The following COL25A1 variants were observed in gnomAD, a reference collection of about 807,000 sequenced individuals.
COL25A1 encodes collagen type XXV alpha 1 chain, also known as collagen alpha-1(XXV) chain.
Under a neutral mutation model 128.4 loss-of-function variants are expected in COL25A1, and 103 were observed. That is an observed-to-expected ratio of 0.80 (90% CI 0.68 to 0.94). The LOEUF (loss-of-function observed/expected upper bound fraction) is 0.94. Among genes scored for constraint, COL25A1 ranks in the 40% least tolerant of loss-of-function variants. The probability of loss-of-function intolerance (pLI) is 0.00; values close to 1 mark genes in which losing one functional copy is unlikely to be tolerated. For missense variants in COL25A1, 745 were observed against 840.0 expected, an observed-to-expected ratio of 0.89 and a Z score of 1.40; for synonymous variants, 279 against 277.2, an observed-to-expected ratio of 1.01 and a Z score of -0.06.
intron 3 of COL25A1, among the ~76,000 whole-genome samples, chr4:109,266,408 G>A (rs1395670814): frequency 2.6e-5 from 4 of 152,236 alleles, no homozygotes; most frequent in South Asian, 2.1e-4. Context: ...ACAATGGAGC[G>A]ATTTGAAGAA....
At chr4:109,016,272 C>T (rs1300458977) in intron 5 of COL25A1, among the ~76,000 whole-genome samples, 2 of 152,200 alleles carry the variant, frequency 1.3e-5, no homozygotes, top group African/African-American at 4.8e-5. Flanking sequence ...ATACAGCAGC[C>T]CCCCGCTGCC....
chr4:109,199,151 T>C (rs1776353631), intron 3 of COL25A1, among the ~76,000 whole-genome samples: 1 of 152,190 alleles, frequency 6.6e-6, no homozygotes, highest in South Asian at 2.1e-4. Context: ...AAAGGATCTT[T>C]AGTCAACTCA....
intron 3 of COL25A1, among the ~76,000 whole-genome samples, chr4:109,064,552 C>T (rs1391079767): frequency 6.6e-6 from 1 of 152,092 alleles, no homozygotes; most frequent in Non-Finnish European, 1.5e-5. Context: ...TATTTTCACT[C>T]AAATACAGTG....
intron 4 of COL25A1, 101 bp downstream of exon 4, chr4:109,050,034 T>G: frequency 1.1e-6 from 1 of 921,992 alleles, no homozygotes; most frequent in Non-Finnish European, 1.7e-6. Flanking sequence ...AACACACACA[T>G]ATAACCTCCA....
At chr4:109,167,181 G>A (rs535299715) in intron 3 of COL25A1, among the ~76,000 whole-genome samples, 1 of 152,188 alleles carries the variant, frequency 6.6e-6, no homozygotes, top group African/African-American at 2.4e-5. Flanking sequence ...TCTTAAGTAG[G>A]TTTAAATAAT....
At chr4:109,039,542 C>A (rs1292415988) in intron 5 of COL25A1, among the ~76,000 whole-genome samples, 2 of 152,170 alleles carry the variant, frequency 1.3e-5, no homozygotes, top group Non-Finnish European at 2.9e-5. Flanking sequence ...TCCTGATCCC[C>A]TCCACATCTA....
At chr4:108,852,876 C>G in intron 25 of COL25A1, 26 bp downstream of exon 25, 1 of 1,602,522 alleles carries the variant, frequency 6.2e-7, no homozygotes, top group Non-Finnish European at 8.5e-7. Context: ...AACCACAAAC[C>G]ACAGAAAGCA....
chr4:109,266,940 A>C (rs1781837281), intron 3 of COL25A1, among the ~76,000 whole-genome samples: 1 of 152,204 alleles, frequency 6.6e-6, no homozygotes, highest in Admixed American at 6.5e-5. Context: ...ATCATCCTAA[A>C]TCTGCCTGCT....
In COL25A1 at chr4:108,844,524, G is replaced by A. The variant is rs866855368; in HGVS notation, c.1624C>T (p.Pro542Ser). Residue 542 changes from proline to serine, a missense_variant, in exon 30 of 38, where the codon CCC becomes TCC. Pro to Ser is a moderately conservative substitution (Grantham distance 74). Coordinates refer to ENST00000399132, the MANE Select transcript of COL25A1 (RefSeq NM_198721.4). ...GPPGPHGPPG[P>S]MGPHGLPGPK... ...CAGAAAGAAGGGAAACTTACCATGG[G>A]GCCAGGTGGGCCATGGGGACCTGGT... 6.2e-7 allele frequency: 1 copy of A among 1,613,900 alleles called. No homozygotes were observed. The highest frequency in any genetic ancestry group is 8.5e-7 in the Non-Finnish European group (1 of 1,179,922).
chr4:108,939,270 C>T (rs1051523962), intron 10 of COL25A1, among the ~76,000 whole-genome samples: 1 of 152,162 alleles, frequency 6.6e-6, no homozygotes, highest in African/African-American at 2.4e-5. Context: ...TTTGGAATAT[C>T]ATCATGAGAA....
At chr4:108,845,366 T>C in intron 28 of COL25A1, 115 bp from the exon 29 acceptor site, 1 of 776,592 alleles carries the variant, frequency 1.3e-6, no homozygotes, top group South Asian at 1.6e-5. Flanking sequence ...ATTATGCACT[T>C]GCTACATAAA....
At chr4:108,922,491 A>G (rs1185519435) in intron 11 of COL25A1, among the ~76,000 whole-genome samples, 1 of 152,156 alleles carries the variant, frequency 6.6e-6, no homozygotes, top group Non-Finnish European at 1.5e-5. Context: ...AAAATTGTCT[A>G]TTTCATCACA....
At chr4:109,054,595 G>C (rs1579218331) in intron 3 of COL25A1, among the ~76,000 whole-genome samples, 1 of 152,160 alleles carries the variant, frequency 6.6e-6, no homozygotes, top group East Asian at 1.9e-4. Flanking sequence ...CTGAAACTTA[G>C]AAGTTTCATC....
chr4:109,171,018 T>G (rs1214326131), intron 3 of COL25A1, among the ~76,000 whole-genome samples: 2 of 152,100 alleles, frequency 1.3e-5, no homozygotes, highest in East Asian at 3.9e-4. Context: ...CACTTCTATA[T>G]CCCTGGTCCC....
At chr4:109,008,744 TACATGCGCGCGCAC>T (rs112890116) in intron 6 of COL25A1, among the ~76,000 whole-genome samples, 76,824 of 151,266 alleles carry the variant, frequency 0.51, 22,136 homozygotes, top group African/African-American at 0.77. Flanking sequence ...TTTATACACA[TACATGCGCGCGCAC>T]ACACACACAC....
At chr4:109,259,458 G>A (rs1183292582) in intron 3 of COL25A1, among the ~76,000 whole-genome samples, 1 of 152,204 alleles carries the variant, frequency 6.6e-6, no homozygotes, top group Non-Finnish European at 1.5e-5. Context: ...GGAAGAATAA[G>A]TCTGTAGACA....
chr4:109,215,080 T>A lies in COL25A1; in HGVS notation c.367+85503A>T, dbSNP rs111679113. 3.1e-3 allele frequency among the ~76,000 whole-genome samples: 470 copies of A among 152,308 alleles called. 1 individual carries two copies. Among genetic ancestry groups the A allele is most frequent in the African/African-American group, 0.011 (448 of 41,570 alleles). ...TTCTGTACACTAAGGAATTTTCTAGTTCTAGAAGAGCTTTTAAATCCTTTG... is the reference window on the plus strand; with the variant it reads ...TTCTGTACACTAAGGAATTTTCTAGATCTAGAAGAGCTTTTAAATCCTTTG... On this transcript the variant is annotated intron_variant, in intron 3 of 37. Transcript: ENST00000399132.
At chr4:108,921,470 G>T in intron 11 of COL25A1, among the ~76,000 whole-genome samples, 1 of 152,028 alleles carries the variant, frequency 6.6e-6, no homozygotes, top group Non-Finnish European at 1.5e-5. Flanking sequence ...GTACGTTTTA[G>T]CAAAGTTATA....
At chr4:109,284,691 A>C (rs1001079186) in intron 3 of COL25A1, among the ~76,000 whole-genome samples, 3 of 152,202 alleles carry the variant, frequency 2.0e-5, no homozygotes, top group African/African-American at 7.2e-5. Flanking sequence ...TCCAAGTCAC[A>C]TGAAGGCAAA....
Sources: gnomAD v4.1 joint callset for allele counts (sites outside exome capture counted in the v4.1 genomes callset) on GRCh38, gnomAD v4.1.1 for gene constraint, MANE v1.5 for transcripts, NCBI Gene and HGNC (gene_info 2026-07-23, HGNC 2026-07-21) for gene names.